Variants in KCNQ1OT1 observed in about 807,000 individuals in gnomAD.
KCNQ1OT1 encodes the protein KCNQ1 opposite strand/antisense transcript 1.
At chr11:2,697,654 C>T (rs1192136675) in exon 1 of KCNQ1OT1, 2 of 398,456 alleles carry the variant, frequency 5.0e-6, no homozygotes, top group Admixed American at 4.4e-5. Context: ...CCTGTAGCCT[C>T]TTAATGTGAA....
At chr11:2,633,886 CAT>C (rs1371366769) in exon 1 of KCNQ1OT1, 3 of 398,450 alleles carry the variant, frequency 7.5e-6, no homozygotes, top group Non-Finnish European at 1.3e-5. Context: ...CATCTGTATA[CAT>C]AGTTTTCACT....
At position 2,609,779 on chromosome 11, in the gene KCNQ1OT1, TTTAAC is replaced by T. The variant is rs201803626; in HGVS notation, n.90211_90215del. The T allele has an allele frequency of 9.3e-3, 3,700 of 398,224 alleles. 74 individuals are homozygous for T. The highest frequency in any genetic ancestry group is 0.054 in the South Asian group (421 of 7,846). The allele number at this position is 398,224 out of a possible 1,614,324, so 24.7% of individuals were successfully genotyped here. A position where few individuals can be genotyped will look rare whatever the true frequency, so the allele number is the denominator to read the frequency against. On this transcript the variant is annotated non_coding_transcript_exon_variant, in exon 1 of 1. Transcript: ENST00000597346. The stretch of plus-strand genomic sequence containing the variant: ...ATTTTATCATTATGAGATATTCATA[TTTAAC>T]TTCAGTAACATTCTTAATTTAAAAT...
chr11:2,675,487 C>T (rs898786324), exon 1 of KCNQ1OT1: 3 of 398,550 alleles, frequency 7.5e-6, no homozygotes, highest in African/African-American at 6.2e-5. Context: ...GTAAATATTT[C>T]ATGAGACATA....
At chr11:2,667,496 G>A (rs757653527) in exon 1 of KCNQ1OT1, 29 of 311,056 alleles carry the variant, frequency 9.3e-5, no homozygotes, top group Non-Finnish European at 1.6e-4. Context: ...GAACATTCAC[G>A]CCACAGAGGT....
rs1447504958 is a variant in KCNQ1OT1 at position 2,654,841 on chromosome 11, A to T, written n.45154T>A. 5 of 398,512 alleles carry T rather than the reference A, an allele frequency of 1.3e-5. No individual in the cohort carries two copies. Among genetic ancestry groups the T allele is most frequent in the Non-Finnish European group, 1.3e-5 (3 of 226,106 alleles). The allele number at this position is 398,512 out of a possible 1,614,324, so 24.7% of individuals were successfully genotyped here. A position where few individuals can be genotyped will look rare whatever the true frequency, so the allele number is the denominator to read the frequency against. On this transcript the variant is annotated non_coding_transcript_exon_variant, in exon 1 of 1. Transcript: ENST00000597346. This position sits in a 1 kb window ranked among gnomAD's most constrained non-coding sequence, Gnocchi z 6.4. The stretch of plus-strand genomic sequence containing the variant: ...TGATAGGAGAGCTCTATGTAGCCTC[A>T]TGGGCAGCTCCAGGCCAGGTGGAGG...
In KCNQ1OT1 at chr11:2,608,992, AT is replaced by A; in HGVS notation, n.91002del. 2.5e-6 allele frequency: 1 copy of A among 397,048 alleles called. No homozygotes were observed. Among genetic ancestry groups the A allele is most frequent in the East Asian group, 3.6e-5 (1 of 28,006 alleles). The allele number at this position is 397,048 out of a possible 1,614,324, so 24.6% of individuals were successfully genotyped here. Reference sequence around the variant, plus strand: ...TTAATTTCAAAGAACCAAATTTTGGATTTGTTGACTTTATTATTTTTATATT... The same window carrying A: ...TTAATTTCAAAGAACCAAATTTTGGATTGTTGACTTTATTATTTTTATATT... On this transcript the variant is annotated non_coding_transcript_exon_variant, in exon 1 of 1. Transcript: ENST00000597346. This position sits in a 1 kb window ranked among gnomAD's most constrained non-coding sequence, Gnocchi z 4.6.
exon 1 of KCNQ1OT1, chr11:2,649,616 T>C (rs1335951552): frequency 2.5e-6 from 1 of 398,492 alleles, no homozygotes; most frequent in East Asian, 3.6e-5. Context: ...TGCAGCACTT[T>C]TAATATGGCA....
rs1327391704 is a variant in KCNQ1OT1 at position 2,654,762 on chromosome 11, G to T, written n.45233C>A. ...GAGGGGTCTGGGGCTCGATGAGAAG[G>T]CAGAGGAAGTGAGACCAGAATTTCT... On this transcript the variant is annotated non_coding_transcript_exon_variant, in exon 1 of 1. Transcript: ENST00000597346. This position sits in a 1 kb window ranked among gnomAD's most constrained non-coding sequence, Gnocchi z 6.4. The T allele has an allele frequency of 5.3e-5, 21 of 398,716 alleles. No individual in the cohort carries two copies. In the Admixed American group the frequency reaches 9.2e-4, roughly 18 times the overall value. 24.7% of individuals were successfully genotyped at this position (398,716 alleles called of 1,614,324 possible).
chr11:2,678,526 T>C lies in KCNQ1OT1; in HGVS notation n.21469A>G. On this transcript the variant is annotated non_coding_transcript_exon_variant, in exon 1 of 1. Coordinates refer to ENST00000597346, the Ensembl canonical transcript of KCNQ1OT1. This position sits in a 1 kb window ranked among gnomAD's most constrained non-coding sequence, Gnocchi z 4.9. ...TCTAGACTCTATTCTGGACTGCTGA[T>C]GGGCCTGTTGATAGGCCAGAGCTCA... 1 of 398,646 alleles carries C rather than the reference T, an allele frequency of 2.5e-6. No individual in the cohort carries two copies. Among genetic ancestry groups the C allele is most frequent in the Non-Finnish European group, 4.4e-6 (1 of 226,068 alleles). 24.7% of individuals were successfully genotyped at this position (398,646 alleles called of 1,614,324 possible).
In KCNQ1OT1 at chr11:2,661,305, A is replaced by G; in HGVS notation, n.38690T>C. 2.5e-6 allele frequency: 1 copy of G among 401,028 alleles called. No individual in the cohort carries two copies. Among genetic ancestry groups the G allele is most frequent in the Non-Finnish European group, 4.4e-6 (1 of 227,554 alleles). 24.8% of individuals were successfully genotyped at this position (401,028 alleles called of 1,614,324 possible). On this transcript the variant is annotated non_coding_transcript_exon_variant, in exon 1 of 1. Coordinates refer to ENST00000597346, the Ensembl canonical transcript of KCNQ1OT1. This position sits in a 1 kb window ranked among gnomAD's most constrained non-coding sequence, Gnocchi z 5.9. ...GAGCAAATACTGATAGTGTCAACAG[A>G]GAGTGGGGAGTGATAAGGATCAGTA...
chr11:2,637,630 C>T (rs866929480), exon 1 of KCNQ1OT1: 6 of 152,176 alleles, frequency 3.9e-5, no homozygotes, highest in East Asian at 3.9e-4. Flanking sequence ...GGAATAAGTG[C>T]GATGTGATGC....
At position 2,627,892 on chromosome 11, in the gene KCNQ1OT1, A is replaced by G; in HGVS notation, n.72103T>C. The G allele has an allele frequency of 2.5e-6, 1 of 398,760 alleles. No individual in the cohort carries two copies. Among genetic ancestry groups the G allele is most frequent in the Non-Finnish European group, 4.4e-6 (1 of 226,200 alleles). 24.7% of individuals were successfully genotyped at this position (398,760 alleles called of 1,614,324 possible). On this transcript the variant is annotated non_coding_transcript_exon_variant, in exon 1 of 1. Transcript: ENST00000597346. This position sits in a 1 kb window ranked among gnomAD's most constrained non-coding sequence, Gnocchi z 4.9. The stretch of plus-strand genomic sequence containing the variant: ...CAGCCTCCTGAGTAGCTGGGACCAC[A>G]GTCATGCACCCCCATGCCCAGCTAA...
At position 2,676,310 on chromosome 11, in the gene KCNQ1OT1, G is replaced by A. The variant is rs1421700277; in HGVS notation, n.23685C>T. 3.0e-5 allele frequency: 12 copies of A among 398,536 alleles called. No individual in the cohort carries two copies. The highest frequency in any genetic ancestry group is 6.2e-4 in the Middle Eastern group (1 of 1,610). 24.7% of individuals were successfully genotyped at this position (398,536 alleles called of 1,614,324 possible). ...TATACAGACACACGTGTGAACAGGT[G>A]ATGGCTCTGAACAGTGTAGTTGAAG... On this transcript the variant is annotated non_coding_transcript_exon_variant, in exon 1 of 1. Transcript: ENST00000597346. This position sits in a 1 kb window ranked among gnomAD's most constrained non-coding sequence, Gnocchi z 4.2.
chr11:2,651,786 G>C lies in KCNQ1OT1; in HGVS notation n.48209C>G. The C allele has an allele frequency of 2.5e-6, 1 of 398,436 alleles. No individual in the cohort carries two copies. Among genetic ancestry groups the C allele is most frequent in the Non-Finnish European group, 4.4e-6 (1 of 226,044 alleles). 24.7% of individuals were successfully genotyped at this position (398,436 alleles called of 1,614,324 possible). ...CAAGTGTTGACCATTTTGATTCCTG[G>C]GCCCCTTAAGAGTCCATTAGCATTG... On this transcript the variant is annotated non_coding_transcript_exon_variant, in exon 1 of 1. Transcript: ENST00000597346. This position sits in a 1 kb window ranked among gnomAD's most constrained non-coding sequence, Gnocchi z 6.1.
chr11:2,687,436 A>G lies in KCNQ1OT1; in HGVS notation n.12559T>C, dbSNP rs1001268813. ...GGCACCTGTGTCCACCCAGCTGTCC[A>G]TACAGATCCCTGCCTGCACAAGAGC... is the stretch of plus-strand genomic sequence containing the variant. On this transcript the variant is annotated non_coding_transcript_exon_variant, in exon 1 of 1. Transcript: ENST00000597346. The surrounding 1 kb of genome is among the most constrained non-coding windows in gnomAD (Gnocchi z 5.0). The G allele has an allele frequency of 2.5e-6, 1 of 398,772 alleles. No homozygotes were observed. Among genetic ancestry groups the G allele is most frequent in the Non-Finnish European group, 4.4e-6 (1 of 226,214 alleles). 24.7% of individuals were successfully genotyped at this position (398,772 alleles called of 1,614,324 possible). A position where few individuals can be genotyped will look rare whatever the true frequency, so the allele number is the denominator to read the frequency against.
At position 2,683,564 on chromosome 11, in the gene KCNQ1OT1, C is replaced by T. The variant is rs1256146616; in HGVS notation, n.16431G>A. The T allele has an allele frequency of 2.8e-5, 11 of 398,560 alleles. No homozygotes were observed. The highest frequency in any genetic ancestry group is 3.1e-5 in the Non-Finnish European group (7 of 226,088). The allele number at this position is 398,560 out of a possible 1,614,324, so 24.7% of individuals were successfully genotyped here. The stretch of plus-strand genomic sequence containing the variant: ...AGAGGTAGAAGCCCCTACCTACTGA[C>T]TGGCATCACAAACACTGCCCTGAAA... On this transcript the variant is annotated non_coding_transcript_exon_variant, in exon 1 of 1. Coordinates refer to ENST00000597346, the Ensembl canonical transcript of KCNQ1OT1. This position sits in a 1 kb window ranked among gnomAD's most constrained non-coding sequence, Gnocchi z 4.7.
In KCNQ1OT1 at chr11:2,648,981, CTTTTTTTTTTTT is replaced by C; in HGVS notation, n.51002_51013del. ...CCTCCTTTGTCTCTTTTTTCTTTTT[CTTTTTTTTTTTT>C]TTTTTTTTTTTGACTCAGTATTTTT... On this transcript the variant is annotated non_coding_transcript_exon_variant, in exon 1 of 1. Coordinates refer to ENST00000597346, the Ensembl canonical transcript of KCNQ1OT1. 34 of 313,716 alleles carry C rather than the reference CTTTTTTTTTTTT, an allele frequency of 1.1e-4. No individual in the cohort carries two copies. The African/African-American group carries it at 1.3e-3, about 12-fold the overall frequency. 19.4% of individuals were successfully genotyped at this position (313,716 alleles called of 1,614,324 possible).
At position 2,674,180 on chromosome 11, in the gene KCNQ1OT1, G is replaced by A; in HGVS notation, n.25815C>T. ...AAGGAATGTGACCAAGGCTGGGTGT[G>A]GCTGGGGAGAGCACAGCCAGTTGTG... On this transcript the variant is annotated non_coding_transcript_exon_variant, in exon 1 of 1. Transcript: ENST00000597346. This position sits in a 1 kb window ranked among gnomAD's most constrained non-coding sequence, Gnocchi z 5.9. 2.5e-6 allele frequency: 1 copy of A among 398,712 alleles called. No homozygotes were observed. The highest frequency in any genetic ancestry group is 4.4e-6 in the Non-Finnish European group (1 of 226,142). The allele number at this position is 398,712 out of a possible 1,614,324, so 24.7% of individuals were successfully genotyped here.
rs943635358 is a variant in KCNQ1OT1, at chr11:2,626,203, C to T, written n.73792G>A. ...GACTTCATAGTTTTAGGACTTTGAC[C>T]CATTTTGAGTAAGTTTTTGTACACA... On this transcript the variant is annotated non_coding_transcript_exon_variant, in exon 1 of 1. Transcript: ENST00000597346. The surrounding 1 kb of genome is among the most constrained non-coding windows in gnomAD (Gnocchi z 4.0). The T allele has an allele frequency of 2.5e-6, 1 of 398,296 alleles. No individual in the cohort carries two copies. The highest frequency in any genetic ancestry group is 2.1e-5 in the African/African-American group (1 of 48,546). 24.7% of individuals were successfully genotyped at this position (398,296 alleles called of 1,614,324 possible).
Sources: allele counts gnomAD v4.1 joint callset, GRCh38; gene constraint gnomAD v4.1.1; non-coding constraint Gnocchi (gnomAD v3.1); transcripts MANE v1.5; gene names NCBI Gene and HGNC (gene_info 2026-07-23, HGNC 2026-07-21).